The following PTPRR variants were observed in gnomAD, a reference collection of about 807,000 sequenced individuals.
The protein encoded by PTPRR is protein tyrosine phosphatase receptor type R, also known as receptor-type tyrosine-protein phosphatase R.
Under a neutral mutation model 77.2 loss-of-function variants are expected in PTPRR, and 38 were observed. That is an observed-to-expected ratio of 0.49 (90% CI 0.38 to 0.65). The LOEUF is 0.65. Ranked by LOEUF, PTPRR falls within the 30% of genes least tolerant of loss-of-function variation. The pLI is 0.00. For missense variants in PTPRR, 744 were observed against 799.2 expected, an observed-to-expected ratio of 0.93 and a Z score of 0.83; for synonymous variants, 299 against 283.1, an observed-to-expected ratio of 1.06 and a Z score of -0.57.
chr12:70,878,900 C>T (rs1450692943), intron 2 of PTPRR, among the ~76,000 whole-genome samples: 1 of 152,112 alleles, frequency 6.6e-6, no homozygotes, highest in Non-Finnish European at 1.5e-5. Context: ...GCACATAATA[C>T]AACATGGAAT....
rs1566051695 is a variant in PTPRR at position 70,662,613 on chromosome 12, A to G, written c.1498-8T>C. 1.3e-6 allele frequency: 2 copies of G among 1,550,394 alleles called. No individual in the cohort carries two copies. The highest frequency in any genetic ancestry group is 1.8e-6 in the Non-Finnish European group (2 of 1,126,694). On this transcript the variant is annotated splice_region_variant and splice_polypyrimidine_tract_variant and intron_variant, in intron 10 of 13. Coordinates refer to ENST00000283228, the MANE Select transcript of PTPRR (RefSeq NM_002849.4). ...CCAGTATAGCACACATTTCTGGAGG[A>G]AGGGAAAGAGAATACAGCAAATATT...
chr12:70,701,381 C>T (rs899765749), intron 6 of PTPRR, 58 bp from the exon 7 acceptor site: 1 of 1,516,100 alleles, frequency 6.6e-7, no homozygotes, highest in African/African-American at 1.4e-5. Flanking sequence ...ATTGCAAAAA[C>T]TTGTCTTTCT....
At chr12:70,777,900 T>C (rs962784446) in intron 2 of PTPRR, among the ~76,000 whole-genome samples, 3 of 152,250 alleles carry the variant, frequency 2.0e-5, no homozygotes, top group African/African-American at 7.2e-5. Flanking sequence ...GTGTTAACAC[T>C]GTTTATGCCA....
At chr12:70,869,719 T>G (rs577260782) in intron 2 of PTPRR, among the ~76,000 whole-genome samples, 1 of 152,176 alleles carries the variant, frequency 6.6e-6, no homozygotes, top group East Asian at 1.9e-4. Context: ...GATGGGGCAT[T>G]GCTATAAGGG....
chr12:70,908,146 GTGTC>G (rs1337102571), intron 1 of PTPRR, among the ~76,000 whole-genome samples: 2 of 152,126 alleles, frequency 1.3e-5, no homozygotes, highest in Non-Finnish European at 2.9e-5. Context: ...GGAAAAAAAA[GTGTC>G]TGTTTTAAGA....
Position 70,848,973 on chromosome 12 carries a change from A to G in PTPRR, c.357+43706T>C, listed in dbSNP as rs1018392528. ...ATTTCTGACTGCTTCATCTTGATGT[A>G]AGTTAAATAATTTTTTTATCTTGCC... is the stretch of plus-strand genomic sequence containing the variant. On this transcript the variant is annotated intron_variant, in intron 2 of 13. Coordinates refer to ENST00000283228, the MANE Select transcript of PTPRR (RefSeq NM_002849.4). Among the ~76,000 whole-genome samples, 5 of 152,198 alleles carry G rather than the reference A, an allele frequency of 3.3e-5. No individual in the cohort carries two copies. The South Asian group carries it at 1.0e-3, about 31-fold the overall frequency.
At chr12:70,704,130 C>A (rs1259151189) in intron 6 of PTPRR, among the ~76,000 whole-genome samples, 1 of 151,882 alleles carries the variant, frequency 6.6e-6, no homozygotes, top group Non-Finnish European at 1.5e-5. Flanking sequence ...CTATAAAAAG[C>A]CCAAAAATAG....
intron 2 of PTPRR, among the ~76,000 whole-genome samples, chr12:70,875,035 T>C (rs2137096552): frequency 6.6e-6 from 1 of 151,554 alleles, no homozygotes; most frequent in East Asian, 1.9e-4. Context: ...ACATTATTCA[T>C]ATGGCCAAAA....
intron 5 of PTPRR, among the ~76,000 whole-genome samples, chr12:70,748,724 C>G (rs1890290484): frequency 6.6e-6 from 1 of 152,140 alleles, no homozygotes; most frequent in African/African-American, 2.4e-5. Flanking sequence ...ATGAGTAACA[C>G]AAAACATTCT....
intron 10 of PTPRR, among the ~76,000 whole-genome samples, chr12:70,682,590 G>C (rs1328609338): frequency 6.6e-6 from 1 of 151,734 alleles, no homozygotes; most frequent in Non-Finnish European, 1.5e-5. Flanking sequence ...AACTGGTTTT[G>C]TAGTGAGAGG....
At chr12:70,738,902 T>C (rs1889960214) in intron 6 of PTPRR, among the ~76,000 whole-genome samples, 1 of 152,222 alleles carries the variant, frequency 6.6e-6, no homozygotes, top group African/African-American at 2.4e-5. Context: ...TTCCAACTTA[T>C]ATATGTGGTA....
chr12:70,639,456 G>A, intron 13 of PTPRR, 179 bp from the exon 14 acceptor site: 2 of 1,387,402 alleles, frequency 1.4e-6, no homozygotes, highest in East Asian at 5.3e-5. Context: ...AGTTAACATG[G>A]TAATGTATAT....
At chr12:70,656,144 G>C (rs1461514794) in intron 13 of PTPRR, among the ~76,000 whole-genome samples, 3 of 152,146 alleles carry the variant, frequency 2.0e-5, no homozygotes, top group Admixed American at 2.0e-4. Context: ...CATGAGCCCA[G>C]GAAGTCTAGG....
intron 5 of PTPRR, among the ~76,000 whole-genome samples, chr12:70,753,644 T>C (rs1203596956): frequency 6.6e-6 from 1 of 152,192 alleles, no homozygotes; most frequent in Non-Finnish European, 1.5e-5. Flanking sequence ...TATACATTTA[T>C]ACTTTTGTAC....
intron 6 of PTPRR, among the ~76,000 whole-genome samples, chr12:70,711,470 G>A (rs748261516): frequency 2.0e-5 from 3 of 151,888 alleles, no homozygotes; most frequent in South Asian, 2.1e-4. Context: ...TTTATATTTA[G>A]TATATTTATT....
Position 70,639,938 on chromosome 12 carries a change from G to C in PTPRR, c.1881-661C>G, listed in dbSNP as rs151202792. Among the ~76,000 whole-genome samples the C allele has an allele frequency of 1.6e-3, 250 of 152,090 alleles. 1 individual carries two copies. The highest frequency in any genetic ancestry group is 5.9e-3 in the African/African-American group (246 of 41,476). ...AAGCAACCTTAGCCTTTTGGTGTAC[G>C]GGGTGTCTAAACACAATAGTGGGTG... On this transcript the variant is annotated intron_variant, in intron 13 of 13. Coordinates refer to ENST00000283228, the MANE Select transcript of PTPRR (RefSeq NM_002849.4).
intron 8 of PTPRR, among the ~76,000 whole-genome samples, chr12:70,689,857 C>G (rs1020882426): frequency 6.6e-6 from 1 of 152,210 alleles, no homozygotes; most frequent in African/African-American, 2.4e-5. Flanking sequence ...TAGTCACCAT[C>G]CCTGTCTTTC....
chr12:70,822,745 G>A (rs772563696), intron 2 of PTPRR, among the ~76,000 whole-genome samples: 1 of 152,102 alleles, frequency 6.6e-6, no homozygotes, highest in Non-Finnish European at 1.5e-5. Flanking sequence ...CCAACAGAAA[G>A]CATTTTAAAA....
intron 2 of PTPRR, among the ~76,000 whole-genome samples, chr12:70,800,167 T>TA (rs1891587806): frequency 1.3e-5 from 2 of 151,982 alleles, no homozygotes; most frequent in South Asian, 4.2e-4. Flanking sequence ...ATAGGCATAC[T>TA]AAAACACCTG....
Sources: gnomAD v4.1 joint callset for allele counts (sites outside exome capture counted in the v4.1 genomes callset) on GRCh38, gnomAD v4.1.1 for gene constraint, MANE v1.5 for transcripts, NCBI Gene and HGNC (gene_info 2026-07-23, HGNC 2026-07-21) for gene names.